Variants in MAF observed in about 807,000 individuals in gnomAD.
The protein encoded by MAF is transcription factor Maf.
MAF carries 10 observed loss-of-function variants against 22.0 expected under a neutral mutation model. The ratio of observed to expected loss-of-function variants is 0.45; its 90% confidence interval spans 0.28 to 0.77. The LOEUF is 0.77. Ranked by LOEUF, MAF falls within the 30% of genes least tolerant of loss-of-function variation. The pLI, the probability that MAF is intolerant of heterozygous loss-of-function variation, is 0.12. For synonymous variants in MAF, 337 were observed against 255.8 expected (o/e 1.32, Z -3.03); for missense variants, 544 against 548.4 (o/e 0.99, Z 0.08).
chr16:79,528,486 T>G, the MAF span, among the ~76,000 whole-genome samples: 1 of 152,114 alleles, frequency 6.6e-6, no homozygotes, highest in Non-Finnish European at 1.5e-5. Flanking sequence ...CAAGAAAAAC[T>G]GAGCAAGGCA....
the MAF span, among the ~76,000 whole-genome samples, chr16:79,369,023 C>T: frequency 1.3e-5 from 2 of 152,200 alleles, no homozygotes; most frequent in African/African-American, 4.8e-5. Flanking sequence ...CCGCTTTGTT[C>T]TTTGGTGGGT....
At chr16:79,421,976 C>G in the MAF span, among the ~76,000 whole-genome samples, 1 of 152,144 alleles carries the variant, frequency 6.6e-6, no homozygotes, top group Non-Finnish European at 1.5e-5. Flanking sequence ...TGGGGTTTCA[C>G]CATGTTGGCC....
At chr16:79,522,890 G>C in the MAF span, among the ~76,000 whole-genome samples, 1 of 152,220 alleles carries the variant, frequency 6.6e-6, no homozygotes, top group Non-Finnish European at 1.5e-5. Flanking sequence ...AGAACTCACA[G>C]TGCTGGCATA....
At chr16:79,513,205 A>G in the MAF span, among the ~76,000 whole-genome samples, 1 of 152,258 alleles carries the variant, frequency 6.6e-6, no homozygotes, top group Non-Finnish European at 1.5e-5. Context: ...TCCAGGCATC[A>G]ACAGCCAGAT....
chr16:79,350,866 AGTGTGTGTGTGTGTGTGTGTGTGT>A, the MAF span, among the ~76,000 whole-genome samples: 2 of 148,406 alleles, frequency 1.3e-5, no homozygotes, highest in African/African-American at 5.0e-5. Flanking sequence ...AACAGTGAGA[AGTGTGTGTGTGTGTGTGTGTGTGT>A]GTGTGTGTGT....
chr16:79,550,963 G>A, the MAF span, among the ~76,000 whole-genome samples: 2 of 152,126 alleles, frequency 1.3e-5, no homozygotes, highest in Non-Finnish European at 2.9e-5. Flanking sequence ...AGCCAGGACC[G>A]TGGTTCCTTT....
the MAF span, among the ~76,000 whole-genome samples, chr16:79,569,195 C>G: frequency 6.6e-6 from 1 of 152,162 alleles, no homozygotes; most frequent in African/African-American, 2.4e-5. Flanking sequence ...GGTCGGATAA[C>G]GCTTTGTGGG....
chr16:79,262,668 C>T, the MAF span, among the ~76,000 whole-genome samples: 53 of 152,128 alleles, frequency 3.5e-4, no homozygotes, highest in Non-Finnish European at 1.5e-5. Flanking sequence ...TACAGTCTTA[C>T]AGTTCCTTCT....
At chr16:79,286,663 G>C in the MAF span, among the ~76,000 whole-genome samples, 1 of 152,278 alleles carries the variant, frequency 6.6e-6, no homozygotes, top group African/African-American at 2.4e-5. Flanking sequence ...GCCTCACATA[G>C]ATACAGAACT....
the MAF span, among the ~76,000 whole-genome samples, chr16:79,238,471 A>T: frequency 1.4e-4 from 21 of 152,062 alleles, no homozygotes; most frequent in African/African-American, 4.8e-4. Context: ...AGAAAGTGGA[A>T]TCTGGGCTAT....
the MAF span, among the ~76,000 whole-genome samples, chr16:79,417,508 G>A: frequency 6.6e-6 from 1 of 152,142 alleles, no homozygotes; most frequent in Non-Finnish European, 1.5e-5. Flanking sequence ...TGTTATTATG[G>A]GCTGGCGGAC....
chr16:79,502,708 A>ATACATATATATATATATATATAT, the MAF span, among the ~76,000 whole-genome samples: 1 of 34,006 alleles, frequency 2.9e-5, no homozygotes, highest in Non-Finnish European at 5.6e-5. Flanking sequence ...TATAAATATA[A>ATACATATATATATATATATATAT]ATATATATAT....
chr16:79,417,291 T>C, the MAF span, among the ~76,000 whole-genome samples: 1 of 152,188 alleles, frequency 6.6e-6, no homozygotes, highest in Non-Finnish European at 1.5e-5. Context: ...AAACCTTTTA[T>C]AGAAACAATC....
rs1047129054 is a variant in MAF at position 79,600,075 on chromosome 16, C to A, written c.-173G>T. ...CTCCGAGCGCGCTCACACACACACC[C>A]CCCCGCCCTGCCCGCGCCCCCCGCG... On this transcript the variant is annotated 5_prime_UTR_variant, in exon 1 of 2. Transcript: ENST00000326043. 6.5e-6 allele frequency: 5 copies of A among 765,552 alleles called. No homozygotes were observed. The highest frequency in any genetic ancestry group is 9.9e-6 in the Non-Finnish European group (5 of 507,138). 47.4% of individuals were successfully genotyped at this position (765,552 alleles called of 1,614,324 possible). A position where few individuals can be genotyped will look rare whatever the true frequency, so the allele number is the denominator to read the frequency against.
chr16:79,547,571 A>G, the MAF span, among the ~76,000 whole-genome samples: 1 of 152,184 alleles, frequency 6.6e-6, no homozygotes, highest in African/African-American at 2.4e-5. Flanking sequence ...TTAATCGTAA[A>G]GCAATTGCAA....
At chr16:79,221,210 A>T in the MAF span, among the ~76,000 whole-genome samples, 16 of 152,152 alleles carry the variant, frequency 1.1e-4, no homozygotes, top group Non-Finnish European at 1.9e-4. Context: ...GGTTCCGGGG[A>T]ATTTTACCTG....
the MAF span, among the ~76,000 whole-genome samples, chr16:79,358,988 CA>C: frequency 3.5e-4 from 54 of 152,280 alleles, no homozygotes; most frequent in African/African-American, 1.2e-3. Flanking sequence ...CCGGAATGAA[CA>C]GAAAGGCTCT....
At chr16:79,230,393 G>A in the MAF span, among the ~76,000 whole-genome samples, 46 of 152,284 alleles carry the variant, frequency 3.0e-4, no homozygotes, top group African/African-American at 1.0e-3. Context: ...GTCACCATCC[G>A]CCTTGAAGGC....
the MAF span, among the ~76,000 whole-genome samples, chr16:79,323,342 TG>T: frequency 6.6e-6 from 1 of 151,816 alleles, no homozygotes; most frequent in Non-Finnish European, 1.5e-5. Flanking sequence ...ACCGTGGTTA[TG>T]TCAGGGACTC....
Sources: allele counts gnomAD v4.1 joint callset (sites outside exome capture counted in the v4.1 genomes callset), GRCh38; gene constraint gnomAD v4.1.1; transcripts MANE v1.5; gene names NCBI Gene and HGNC (gene_info 2026-07-23, HGNC 2026-07-21).